STIM2: variants seen among roughly 807,000 people sequenced by gnomAD.
The protein encoded by STIM2 is stromal interaction molecule 2.
STIM2 carries 31 observed loss-of-function variants against 85.8 expected under a neutral mutation model. The ratio of observed to expected loss-of-function variants is 0.36; its 90% CI spans 0.27 to 0.49. The LOEUF is 0.49. Among genes scored for constraint, STIM2 ranks in the 20% least tolerant of loss-of-function variants. The pLI is 0.98. For missense variants in STIM2, 841 were observed against 927.6 expected, an observed-to-expected ratio of 0.91 and a Z score of 1.21; for synonymous variants, 356 against 331.1, an observed-to-expected ratio of 1.08 and a Z score of -0.82.
In STIM2 at chr4:26,996,269, TTAA is replaced by T. The variant is rs151224843; in HGVS notation, c.509+784_509+786del. Among the ~76,000 whole-genome samples the T allele has an allele frequency of 4.8e-3, 738 of 152,172 alleles. 4 individuals carry two copies. Among genetic ancestry groups the T allele is most frequent in the African/African-American group, 0.017 (715 of 41,568 alleles). On this transcript the variant is annotated intron_variant, in intron 4 of 11. Coordinates refer to ENST00000467087, the MANE Select transcript of STIM2 (RefSeq NM_020860.4). ...ATAATTTTTAATTAATTTAATTAAC[TTAA>T]TAATCTTGAAGGATTTAAATGTCAA...
intron 2 of STIM2, among the ~76,000 whole-genome samples, chr4:26,941,039 T>G (rs915398973): frequency 4.6e-5 from 7 of 152,148 alleles, no homozygotes; most frequent in Non-Finnish European, 1.5e-5. Flanking sequence ...ATTCATGATC[T>G]TTTACAGTCT....
chr4:26,909,086 A>T (rs1724235951), intron 1 of STIM2, among the ~76,000 whole-genome samples: 1 of 152,202 alleles, frequency 6.6e-6, no homozygotes, highest in South Asian at 2.1e-4. Context: ...CTCTTAGGAA[A>T]ATAAAAGATA....
At chr4:26,928,085 G>T (rs1389928733) in intron 2 of STIM2, among the ~76,000 whole-genome samples, 3 of 151,826 alleles carry the variant, frequency 2.0e-5, no homozygotes, top group Admixed American at 2.0e-4. Flanking sequence ...AGGGAGGACT[G>T]TTTTCTTTTT....
chr4:26,887,623 A>AT (rs1723308127), intron 1 of STIM2, among the ~76,000 whole-genome samples: 2 of 152,224 alleles, frequency 1.3e-5, no homozygotes, highest in African/African-American at 4.8e-5. Context: ...AAGAGTGGCT[A>AT]TTTTTTCTCT....
chr4:26,941,464 G>A (rs1260259074), intron 2 of STIM2, among the ~76,000 whole-genome samples: 1 of 152,064 alleles, frequency 6.6e-6, no homozygotes, highest in African/African-American at 2.4e-5. Context: ...CAGAGCATAT[G>A]TTTGGTGATG....
At chr4:26,997,987 G>T (rs1687263382) in intron 4 of STIM2, among the ~76,000 whole-genome samples, 1 of 151,952 alleles carries the variant, frequency 6.6e-6, no homozygotes, top group Non-Finnish European at 1.5e-5. Flanking sequence ...TACATATTTG[G>T]GTTTGAATCC....
Position 26,990,270 on chromosome 4 carries a change from G to A in STIM2, c.398-5109G>A, listed in dbSNP as rs546379794. Among the ~76,000 whole-genome samples, 26 of 152,158 alleles carry A rather than the reference G, an allele frequency of 1.7e-4. No homozygotes were observed. The East Asian group carries it at 2.9e-3, about 17-fold the overall frequency. ...CATAAAAACAGACACATATACCAAC[G>A]AAACAGAATAGAGAACCCAGAAATA... On this transcript the variant is annotated intron_variant, in intron 3 of 11. Coordinates refer to ENST00000467087, the MANE Select transcript of STIM2 (RefSeq NM_020860.4).
chr4:26,889,823 A>G (rs746114766), intron 1 of STIM2, among the ~76,000 whole-genome samples: 16 of 152,166 alleles, frequency 1.1e-4, no homozygotes, highest in Non-Finnish European at 1.8e-4. Flanking sequence ...GATTATTAAA[A>G]TCCTGCTCTG....
intron 1 of STIM2, among the ~76,000 whole-genome samples, chr4:26,913,293 T>C (rs954217928): frequency 6.6e-6 from 1 of 151,784 alleles, no homozygotes; most frequent in African/African-American, 2.4e-5. Flanking sequence ...AGTAATATAG[T>C]ATTATACTAT....
At position 26,908,791 on chromosome 4, in the gene STIM2, T is replaced by C. The variant is rs1312987479; in HGVS notation, c.152-10713T>C. Among the ~76,000 whole-genome samples the C allele has an allele frequency of 5.3e-5, 8 of 152,212 alleles. 1 individual carries two copies. The highest frequency in any genetic ancestry group is 1.2e-4 in the Non-Finnish European group (8 of 68,024). On this transcript the variant is annotated intron_variant, in intron 1 of 11. Transcript: ENST00000467087. ...GAGCCACTGCACCCGGCCACAGTCA[T>C]TGTTTTATATAATACAGTAAATGCT...
chr4:26,881,994 A>T (rs558578989), intron 1 of STIM2, among the ~76,000 whole-genome samples: 1 of 152,232 alleles, frequency 6.6e-6, no homozygotes. Flanking sequence ...GCTTTCTGGA[A>T]GGATTGTGTT....
At chr4:26,908,249 T>G (rs1308568259) in intron 1 of STIM2, among the ~76,000 whole-genome samples, 1 of 152,208 alleles carries the variant, frequency 6.6e-6, no homozygotes, top group Non-Finnish European at 1.5e-5. Context: ...TTGGGTATTT[T>G]GAAAACTAGA....
intron 3 of STIM2, among the ~76,000 whole-genome samples, chr4:26,983,383 G>A (rs7688601): frequency 0.97 from 148,462 of 152,342 alleles, 72,382 homozygotes; most frequent in East Asian, 1. Context: ...TTTTGCCACT[G>A]ATAATATTAG....
rs187973302 is a variant in STIM2 at position 26,974,300 on chromosome 4, C to T, written c.397+16574C>T. Among the ~76,000 whole-genome samples, 69 of 152,126 alleles carry T rather than the reference C, an allele frequency of 4.5e-4. 1 individual carries two copies. Among genetic ancestry groups the T allele is most frequent in the Middle Eastern group, 3.4e-3 (1 of 294 alleles). On this transcript the variant is annotated intron_variant, in intron 3 of 11. Coordinates refer to ENST00000467087, the MANE Select transcript of STIM2 (RefSeq NM_020860.4). ...TATGATGTTTGCTGGTTATTTTTCC[C>T]GTTAATTAATGCAGTTTCTTCCTAG...
chr4:26,880,686 T>TATATATATAA (rs1722982525), intron 1 of STIM2, among the ~76,000 whole-genome samples: 1 of 144,082 alleles, frequency 6.9e-6, no homozygotes, highest in African/African-American at 2.5e-5. Context: ...TATGTAAATA[T>TATATATATAA]ATATATATGT....
chr4:26,912,200 T>C (rs551438003), intron 1 of STIM2, among the ~76,000 whole-genome samples: 1 of 152,346 alleles, frequency 6.6e-6, no homozygotes, highest in East Asian at 1.9e-4. Flanking sequence ...AAGAAAATCC[T>C]AATCATGAGA....
intron 3 of STIM2, among the ~76,000 whole-genome samples, chr4:26,981,690 G>A (rs1727402063): frequency 6.6e-6 from 1 of 152,102 alleles, no homozygotes. Context: ...ATACTGCCTG[G>A]ACTTTTACGA....
intron 2 of STIM2, among the ~76,000 whole-genome samples, chr4:26,921,609 T>C (rs1203106712): frequency 2.0e-5 from 3 of 152,248 alleles, no homozygotes; most frequent in Non-Finnish European, 4.4e-5. Context: ...CAACCCCTGC[T>C]GTAAATTAAG....
At chr4:26,932,491 A>G (rs765900884) in intron 2 of STIM2, among the ~76,000 whole-genome samples, 28 of 152,232 alleles carry the variant, frequency 1.8e-4, no homozygotes, top group Non-Finnish European at 4.4e-5. Flanking sequence ...GATCAAAGAT[A>G]AAGTCATTTT....
Sources: allele counts gnomAD v4.1 joint callset (sites outside exome capture counted in the v4.1 genomes callset), GRCh38; gene constraint gnomAD v4.1.1; transcripts MANE v1.5; gene names NCBI Gene and HGNC (gene_info 2026-07-23, HGNC 2026-07-21).